KCNIP4: variants seen among roughly 807,000 people sequenced by gnomAD.
KCNIP4 encodes potassium voltage-gated channel interacting protein 4.
Under a neutral mutation model 34.0 loss-of-function variants are expected in KCNIP4, and 12 were observed. That is an observed-to-expected ratio of 0.35 (90% confidence interval 0.23 to 0.57). The LOEUF (loss-of-function observed/expected upper bound fraction) is 0.57. Ranked by LOEUF, KCNIP4 falls within the 20% of genes least tolerant of loss-of-function variation. The pLI, the probability that KCNIP4 is intolerant of heterozygous loss-of-function variation, is 0.83. For synonymous variants in KCNIP4, 124 were observed against 102.2 expected, an observed-to-expected ratio of 1.21 and a Z score of -1.29; for missense variants, 238 against 311.7, an observed-to-expected ratio of 0.76 and a Z score of 1.78.
chr4:21,741,365 G>A (rs1023316696), intron 1 of KCNIP4, among the ~76,000 whole-genome samples: 9 of 152,110 alleles, frequency 5.9e-5, no homozygotes, highest in African/African-American at 1.9e-4. Flanking sequence ...CAGAATGGAC[G>A]TTCTCACCAG....
At chr4:21,242,686 A>G (rs1240781882) in intron 1 of KCNIP4, among the ~76,000 whole-genome samples, 1 of 152,078 alleles carries the variant, frequency 6.6e-6, no homozygotes, top group Non-Finnish European at 1.5e-5. Flanking sequence ...TTGTTCTTTC[A>G]CTGACAATGG....
intron 1 of KCNIP4, among the ~76,000 whole-genome samples, chr4:21,512,750 G>A (rs530116366): frequency 3.9e-5 from 6 of 152,146 alleles, no homozygotes; most frequent in Non-Finnish European, 5.9e-5. Flanking sequence ...TGAAGTTCCC[G>A]CAGCATTTAA....
chr4:21,867,843 A>G (rs1039828228), intron 1 of KCNIP4, among the ~76,000 whole-genome samples: 7 of 152,232 alleles, frequency 4.6e-5, no homozygotes, highest in African/African-American at 1.7e-4. Flanking sequence ...ACAGTGAGCC[A>G]ATAAAACAAA....
intron 2 of KCNIP4, among the ~76,000 whole-genome samples, chr4:20,859,219 A>G (rs1721935211): frequency 7.6e-6 from 1 of 132,070 alleles, no homozygotes; most frequent in Non-Finnish European, 1.7e-5. Context: ...AACACAGGAA[A>G]CTGTTTGTTT....
In KCNIP4 at chr4:20,913,356, G is replaced by A. The variant is rs759416210; in HGVS notation, c.62-30647C>T. ...GGAAAATCCATAAAGATAGAAAGCT[G>A]ATGAATGTTAGCCAGGAACTGAGAG... On this transcript the variant is annotated intron_variant, in intron 1 of 8. Coordinates refer to ENST00000382152, the MANE Select transcript of KCNIP4 (RefSeq NM_025221.6). Among the ~76,000 whole-genome samples the A allele has an allele frequency of 2.6e-5, 4 of 152,240 alleles. No homozygotes were observed. The East Asian group carries it at 7.7e-4, about 29-fold the overall frequency.
chr4:21,559,648 G>A (rs116349845), intron 1 of KCNIP4, among the ~76,000 whole-genome samples: 1 of 152,026 alleles, frequency 6.6e-6, no homozygotes, highest in South Asian at 2.1e-4. Context: ...GTAACTTATG[G>A]GGTCTTGAAG....
intron 1 of KCNIP4, among the ~76,000 whole-genome samples, chr4:21,828,376 G>T (rs1393655867): frequency 6.6e-6 from 1 of 151,794 alleles, no homozygotes; most frequent in East Asian, 1.9e-4. Flanking sequence ...GTGTAAGAAG[G>T]TCTAATAACA....
intron 1 of KCNIP4, among the ~76,000 whole-genome samples, chr4:21,139,514 C>G (rs906937180): frequency 1.4e-4 from 22 of 152,162 alleles, no homozygotes; most frequent in South Asian, 4.1e-4. Flanking sequence ...CAGAACACCC[C>G]CTGTGGCCAG....
intron 3 of KCNIP4, among the ~76,000 whole-genome samples, chr4:20,769,405 G>A (rs558346174): frequency 4.6e-5 from 7 of 152,156 alleles, no homozygotes; most frequent in East Asian, 3.9e-4. Flanking sequence ...TTTGATTTAC[G>A]GAGACTTTTA....
At chr4:20,807,867 C>T (rs1171099617) in intron 3 of KCNIP4, among the ~76,000 whole-genome samples, 2 of 152,120 alleles carry the variant, frequency 1.3e-5, no homozygotes, top group Non-Finnish European at 2.9e-5. Context: ...AAAGAAGACA[C>T]TATGGAAGAT....
At chr4:21,440,070 A>G (rs923116718) in intron 1 of KCNIP4, among the ~76,000 whole-genome samples, 1 of 152,218 alleles carries the variant, frequency 6.6e-6, no homozygotes, top group South Asian at 2.1e-4. Flanking sequence ...TGACCCAATG[A>G]CAAAGGAAAA....
intron 1 of KCNIP4, among the ~76,000 whole-genome samples, chr4:21,330,689 A>C (rs1240180537): frequency 1.3e-5 from 2 of 152,330 alleles, no homozygotes; most frequent in Middle Eastern, 3.4e-3. Flanking sequence ...GTCCTTAAAG[A>C]ATAAGGAGCT....
intron 3 of KCNIP4, among the ~76,000 whole-genome samples, chr4:20,788,382 G>T (rs1350774822): frequency 6.6e-6 from 1 of 152,052 alleles, no homozygotes; most frequent in Non-Finnish European, 1.5e-5. Context: ...ATTTAATGAG[G>T]TATATTTTGG....
chr4:21,460,401 T>C (rs1267152901), intron 1 of KCNIP4, among the ~76,000 whole-genome samples: 1 of 152,088 alleles, frequency 6.6e-6, no homozygotes, highest in African/African-American at 2.4e-5. Context: ...CACTGCCTAC[T>C]TGACTCTTGT....
chr4:21,350,583 A>G (rs989592776), intron 1 of KCNIP4, among the ~76,000 whole-genome samples: 1 of 152,228 alleles, frequency 6.6e-6, no homozygotes, highest in Non-Finnish European at 1.5e-5. Context: ...TATGCCCAGT[A>G]TAAATGGAAG....
intron 1 of KCNIP4, among the ~76,000 whole-genome samples, chr4:21,353,759 C>T (rs575316522): frequency 3.3e-5 from 5 of 152,178 alleles, no homozygotes; most frequent in Non-Finnish European, 5.9e-5. Context: ...CTCAACCTAG[C>T]AAGGTAGGAC....
At chr4:21,120,917 T>C (rs1750100706) in intron 1 of KCNIP4, among the ~76,000 whole-genome samples, 1 of 152,170 alleles carries the variant, frequency 6.6e-6, no homozygotes, top group Admixed American at 6.5e-5. Flanking sequence ...TTTGAGGCAC[T>C]AGGGGTTAGA....
chr4:20,931,120 C>T (rs980044852), intron 1 of KCNIP4, among the ~76,000 whole-genome samples: 1 of 151,650 alleles, frequency 6.6e-6, no homozygotes, highest in Non-Finnish European at 1.5e-5. Flanking sequence ...CAATAGTCAA[C>T]ATATGGAAAC....
intron 1 of KCNIP4, among the ~76,000 whole-genome samples, chr4:21,534,427 T>C (rs1006154213): frequency 6.6e-6 from 1 of 152,162 alleles, no homozygotes; most frequent in Non-Finnish European, 1.5e-5. Context: ...TAATGGGATT[T>C]TGATGAATGT....
Sources: gnomAD v4.1 joint callset for allele counts (sites outside exome capture counted in the v4.1 genomes callset) on GRCh38, gnomAD v4.1.1 for gene constraint, MANE v1.5 for transcripts, NCBI Gene and HGNC (gene_info 2026-07-23, HGNC 2026-07-21) for gene names.